CENPP: variants seen among roughly 807,000 people sequenced by gnomAD.
CENPP encodes the protein centromere protein P.
Under a neutral mutation model 35.6 loss-of-function variants are expected in CENPP, and 24 were observed. The observed-to-expected ratio is 0.67, with a 90% CI of 0.49 to 0.95. The LOEUF is 0.95. CENPP is among the 40% of genes least tolerant of loss of function. CENPP has a pLI of 0.00. For synonymous variants in CENPP, 120 were observed against 125.5 expected, an observed-to-expected ratio of 0.96 and a Z score of 0.29; for missense variants, 332 against 345.3, an observed-to-expected ratio of 0.96 and a Z score of 0.31.
chr9:92,611,424 T>A (rs1466757344), intron 6 of CENPP, 31 bp downstream of exon 6: 1 of 1,567,818 alleles, frequency 6.4e-7, no homozygotes, highest in Non-Finnish European at 8.7e-7. Flanking sequence ...GGGCCTCCCA[T>A]TTCCTGTTCA....
chr9:92,352,538 T>TATATATATATAA (rs1464334295), intron 4 of CENPP, among the ~76,000 whole-genome samples: 13 of 114,420 alleles, frequency 1.1e-4, no homozygotes, highest in Non-Finnish European at 1.9e-4. Flanking sequence ...TATATATATA[T>TATATATATATAA]AATATAACGG....
At chr9:92,495,555 G>A in intron 5 of CENPP, 1 of 980,020 alleles carries the variant, frequency 1.0e-6, no homozygotes, top group Non-Finnish European at 1.2e-6. Flanking sequence ...TTCAAAAAAT[G>A]TCTTAATCTT....
At chr9:92,592,008 C>G (rs1380204902) in intron 5 of CENPP, among the ~76,000 whole-genome samples, 1 of 151,766 alleles carries the variant, frequency 6.6e-6, no homozygotes, top group African/African-American at 2.4e-5. Flanking sequence ...ACATATGTAA[C>G]TAACCTGCAC....
intron 4 of CENPP, among the ~76,000 whole-genome samples, chr9:92,359,532 C>T (rs192777358): frequency 2.0e-3 from 297 of 152,198 alleles, no homozygotes; most frequent in African/African-American, 6.8e-3. Context: ...CAGAATCTCC[C>T]CTTATATGCA....
chr9:92,424,371 T>C (rs1588121377), intron 5 of CENPP: 1 of 152,290 alleles, frequency 6.6e-6, no homozygotes, highest in East Asian at 1.9e-4. Flanking sequence ...ACAATCTTCT[T>C]GGAAAACACT....
rs1300866539 is a variant in CENPP at position 92,400,610 on chromosome 9, G to GT, written c.564+20752dup. ...ATGTGAAATAATGTTCTGTGATAGA[G>GT]TAAGAGTAAGCCAAGTACACAGGAA... On this transcript the variant is annotated intron_variant, in intron 5 of 7. Coordinates refer to ENST00000375587, the MANE Select transcript of CENPP (RefSeq NM_001012267.3). 4.6e-5 allele frequency among the ~76,000 whole-genome samples: 7 copies of GT among 152,306 alleles called. No homozygotes were observed. In the South Asian group the frequency reaches 1.2e-3, roughly 27 times the overall value.
rs1554688236 is a variant in CENPP at position 92,567,373 on chromosome 9, G to GATATATAGATATATAT, written c.565-43934_565-43933insGATATATATATATATA. Among the ~76,000 whole-genome samples, 214 of 129,076 alleles carry GATATATAGATATATAT rather than the reference G, an allele frequency of 1.7e-3. 1 individual carries two copies. Among genetic ancestry groups the GATATATAGATATATAT allele is most frequent in the East Asian group, 6.6e-3 (26 of 3,926 alleles). 84.7% of individuals were successfully genotyped at this position (129,076 alleles called of 152,430 possible). On this transcript the variant is annotated intron_variant, in intron 5 of 7. Coordinates refer to ENST00000375587, the MANE Select transcript of CENPP (RefSeq NM_001012267.3). ...ATGGGGTATACAGTTACATAAGATA[G>GATATATAGATATATAT]ATATATATATATATATATATATAGA... is the stretch of plus-strand genomic sequence containing the variant.
At chr9:92,410,576 A>G (rs753713028) in intron 5 of CENPP, among the ~76,000 whole-genome samples, 18 of 152,314 alleles carry the variant, frequency 1.2e-4, no homozygotes, top group Non-Finnish European at 1.5e-4. Context: ...CTTGTGAGAT[A>G]TATGATTTAA....
intron 1 of CENPP, 65 bp downstream of exon 1, chr9:92,326,170 C>T: frequency 9.5e-7 from 1 of 1,048,928 alleles, no homozygotes; most frequent in Non-Finnish European, 1.4e-6. Context: ...GCGGGTGAAT[C>T]TCCACAGACA....
chr9:92,395,131 C>T (rs1243154050), intron 5 of CENPP, among the ~76,000 whole-genome samples: 1 of 152,118 alleles, frequency 6.6e-6, no homozygotes, highest in Non-Finnish European at 1.5e-5. Flanking sequence ...GAAACGTTCA[C>T]TACAAGTGAG....
intron 5 of CENPP, among the ~76,000 whole-genome samples, chr9:92,553,882 C>G (rs1849665435): frequency 6.6e-6 from 1 of 152,142 alleles, no homozygotes; most frequent in South Asian, 2.1e-4. Flanking sequence ...TTGACTTTCT[C>G]TTTACTGATT....
intron 5 of CENPP, among the ~76,000 whole-genome samples, chr9:92,499,406 A>G (rs959419448): frequency 2.6e-5 from 4 of 152,220 alleles, no homozygotes; most frequent in Admixed American, 6.5e-5. Flanking sequence ...CATGAGAAGC[A>G]TGGCAAAAAT....
intron 5 of CENPP, among the ~76,000 whole-genome samples, chr9:92,381,604 G>A (rs72752435): frequency 0.036 from 5,416 of 152,248 alleles, 131 homozygotes; most frequent in South Asian, 0.086. Flanking sequence ...TTAAATGTAT[G>A]TACATTTTGC....
intron 5 of CENPP, among the ~76,000 whole-genome samples, chr9:92,459,196 A>T (rs979236083): frequency 6.6e-6 from 1 of 152,216 alleles, no homozygotes; most frequent in African/African-American, 2.4e-5. Context: ...AAAAATATAC[A>T]TGTCTATCCT....
At chr9:92,497,487 G>A (rs1015866372) in intron 5 of CENPP, among the ~76,000 whole-genome samples, 1 of 152,064 alleles carries the variant, frequency 6.6e-6, no homozygotes, top group East Asian at 1.9e-4. Flanking sequence ...AGCTGGGCAT[G>A]GTGGCGTATC....
chr9:92,546,481 A>G (rs548792072), intron 5 of CENPP, among the ~76,000 whole-genome samples: 14 of 152,308 alleles, frequency 9.2e-5, no homozygotes, highest in African/African-American at 3.1e-4. Flanking sequence ...CGAGTCCACG[A>G]ACCCACTGGG....
chr9:92,392,692 G>T (rs1204349387), intron 5 of CENPP, among the ~76,000 whole-genome samples: 4 of 152,162 alleles, frequency 2.6e-5, no homozygotes, highest in African/African-American at 9.7e-5. Context: ...AGAGCCATTA[G>T]TTAAAGTAAG....
chr9:92,511,368 G>GC (rs11375471), intron 5 of CENPP, among the ~76,000 whole-genome samples: 55,932 of 151,032 alleles, frequency 0.37, 12,672 homozygotes, highest in African/African-American at 0.64. Context: ...CTCATGATCC[G>GC]CCCATCTTGG....
chr9:92,605,017 G>A (rs1588312703), intron 5 of CENPP, among the ~76,000 whole-genome samples: 2 of 152,124 alleles, frequency 1.3e-5, no homozygotes, highest in Middle Eastern at 3.4e-3. Flanking sequence ...CAGAATCTCA[G>A]TTGCCCAGGC....
Sources: allele counts gnomAD v4.1 joint callset (sites outside exome capture counted in the v4.1 genomes callset), GRCh38; gene constraint gnomAD v4.1.1; transcripts MANE v1.5; gene names NCBI Gene and HGNC (gene_info 2026-07-23, HGNC 2026-07-21).